Variants in PCDH7 observed in about 807,000 individuals in gnomAD.
The protein encoded by PCDH7 is protocadherin 7.
Under a neutral mutation model 58.9 loss-of-function variants are expected in PCDH7, and 17 were observed. That is an observed-to-expected ratio of 0.29 (90% CI 0.20 to 0.43). The LOEUF (loss-of-function observed/expected upper bound fraction) is 0.43, where lower values mean the gene tolerates loss of function less well. Ranked by LOEUF, PCDH7 falls within the 20% of genes least tolerant of loss-of-function variation. The pLI, the probability that PCDH7 is intolerant of heterozygous loss-of-function variation, is 1.00. For missense variants in PCDH7, 1,274 were observed against 1,441.0 expected (o/e 0.88, Z 1.88); for synonymous variants, 664 against 616.4 (o/e 1.08, Z -1.14).
In PCDH7 at chr4:31,064,334, C is replaced by T. The variant is rs146648489; in HGVS notation, c.*8-78139C>T. Among the ~76,000 whole-genome samples, 1,315 of 151,952 alleles carry T rather than the reference C, an allele frequency of 8.7e-3. 19 individuals are homozygous for T. Among genetic ancestry groups the T allele is most frequent in the Middle Eastern group, 0.037 (11 of 294 alleles). ...TTTAAAATGTTGGCCCATGTCCATG[C>T]GTTGTCATTGTGTTCTATGTGTATA... On this transcript the variant is annotated intron_variant, in intron 3 of 3. Transcript: ENST00000509759.
intron 3 of PCDH7, among the ~76,000 whole-genome samples, chr4:30,976,256 T>A (rs1037100544): frequency 2.0e-5 from 3 of 152,086 alleles, no homozygotes; most frequent in African/African-American, 7.2e-5. Context: ...CACACCTGGC[T>A]AATTTTGTAT....
At chr4:30,930,868 G>A (rs1744489723) in intron 2 of PCDH7, among the ~76,000 whole-genome samples, 1 of 152,160 alleles carries the variant, frequency 6.6e-6, no homozygotes, top group Non-Finnish European at 1.5e-5. Context: ...GTGCCCAGAA[G>A]TCCCAGGCTG....
chr4:30,861,292 G>A (rs1303056920), intron 1 of PCDH7, among the ~76,000 whole-genome samples: 1 of 152,140 alleles, frequency 6.6e-6, no homozygotes, highest in East Asian at 1.9e-4. Flanking sequence ...TCTTGCTTCT[G>A]ATTCCTAGTG....
chr4:30,785,296 C>A (rs543340611), intron 1 of PCDH7, among the ~76,000 whole-genome samples: 6 of 152,012 alleles, frequency 3.9e-5, no homozygotes, highest in East Asian at 1.9e-4. Context: ...TAGCTTTCAT[C>A]TGTGTATAAG....
Position 31,027,233 on chromosome 4 carries a change from TG to T in PCDH7, c.*7+77020del, listed in dbSNP as rs1186954358. 1.7e-4 allele frequency among the ~76,000 whole-genome samples: 26 copies of T among 152,236 alleles called. No individual in the cohort carries two copies. The East Asian group carries it at 4.7e-3, about 27-fold the overall frequency. ...CTTTAAATTGCCAGCTAAGCTTTCT[TG>T]GAACCTCATCACAAATAGGCATTAT... On this transcript the variant is annotated intron_variant, in intron 3 of 3. Transcript: ENST00000509759.
chr4:30,835,857 TTA>T (rs1730426713), intron 1 of PCDH7, among the ~76,000 whole-genome samples: 1 of 152,182 alleles, frequency 6.6e-6, no homozygotes. Flanking sequence ...AGGCATTAAA[TTA>T]AGGTGTTTTT....
In PCDH7 at chr4:30,723,958, G is replaced by A; in HGVS notation, c.2536G>A (p.Ala846Thr). The change falls in exon 1 of 2, where the codon GCA becomes ACA. Residue 846 changes from alanine to threonine, a missense_variant. This residue lies in a region of PCDH7 where 731 missense variants were observed against 881.9 expected (regional missense o/e 0.83). Transcript: ENST00000361762. This position sits in a 1 kb window ranked among gnomAD's most constrained non-coding sequence, Gnocchi z 4.6. ...GTTTGTCAATGAAAGTGTTTCTAAT[G>A]CAACTGCGATTGACTCCCAGATAGC... The A allele has an allele frequency of 3.1e-6, 5 of 1,614,124 alleles. No homozygotes were observed. The highest frequency in any genetic ancestry group is 3.4e-6 in the Non-Finnish European group (4 of 1,180,042).
intron 1 of PCDH7, among the ~76,000 whole-genome samples, chr4:30,795,814 T>C (rs1217995451): frequency 2.0e-5 from 3 of 152,308 alleles, no homozygotes; most frequent in East Asian, 1.9e-4. Flanking sequence ...CCATAAAACA[T>C]GGTAATATTT....
At chr4:31,068,819 G>T (rs1758308938) in intron 3 of PCDH7, among the ~76,000 whole-genome samples, 2 of 151,990 alleles carry the variant, frequency 1.3e-5, no homozygotes, top group Admixed American at 1.3e-4. Context: ...TCCAGGGATA[G>T]ATTATAAATA....
At chr4:31,124,247 G>C (rs940637638) in intron 3 of PCDH7, among the ~76,000 whole-genome samples, 1 of 152,100 alleles carries the variant, frequency 6.6e-6, no homozygotes, top group African/African-American at 2.4e-5. Flanking sequence ...GAATATATTA[G>C]GTGCTTCTAT....
At chr4:31,041,585 C>G (rs748669768) in intron 3 of PCDH7, among the ~76,000 whole-genome samples, 7 of 152,016 alleles carry the variant, frequency 4.6e-5, no homozygotes, top group Non-Finnish European at 8.8e-5. Context: ...ACCCCCCACC[C>G]CCTTGCATTG....
intron 1 of PCDH7, among the ~76,000 whole-genome samples, chr4:30,815,596 G>A (rs1231499785): frequency 6.6e-6 from 1 of 152,192 alleles, no homozygotes; most frequent in Non-Finnish European, 1.5e-5. Flanking sequence ...TGCGCGGTGT[G>A]TTTACTGACG....
intron 3 of PCDH7, among the ~76,000 whole-genome samples, chr4:31,137,952 T>C (rs988908651): frequency 2.0e-5 from 3 of 152,180 alleles, no homozygotes; most frequent in Non-Finnish European, 4.4e-5. Context: ...AGAGTGAGTG[T>C]CTGGGATTCT....
intron 3 of PCDH7, among the ~76,000 whole-genome samples, chr4:31,140,306 G>A (rs1475859186): frequency 6.6e-6 from 1 of 152,120 alleles, no homozygotes; most frequent in Non-Finnish European, 1.5e-5. Flanking sequence ...ATAAGTCACT[G>A]TGTAAGTGAA....
chr4:30,725,256 T>C (rs1181720674), intron 1 of PCDH7: 2 of 991,366 alleles, frequency 2.0e-6, no homozygotes, highest in Non-Finnish European at 2.4e-6. Context: ...TGTTCTATAA[T>C]GATATGCAAT....
At chr4:30,810,037 T>G (rs1726775086) in intron 1 of PCDH7, among the ~76,000 whole-genome samples, 1 of 152,212 alleles carries the variant, frequency 6.6e-6, no homozygotes, top group South Asian at 2.1e-4. Flanking sequence ...TTTTTATACT[T>G]CACTTTTGTA....
intron 1 of PCDH7, among the ~76,000 whole-genome samples, chr4:30,765,568 C>T (rs563978524): frequency 6.6e-6 from 1 of 152,264 alleles, no homozygotes; most frequent in South Asian, 2.1e-4. Flanking sequence ...TTGGAGTAGA[C>T]AGATAATCTA....
chr4:31,128,101 A>G (rs1159074532), intron 3 of PCDH7, among the ~76,000 whole-genome samples: 1 of 150,890 alleles, frequency 6.6e-6, no homozygotes, highest in African/African-American at 2.4e-5. Flanking sequence ...ATATGTATAT[A>G]TGTGTATATA....
intron 1 of PCDH7, among the ~76,000 whole-genome samples, chr4:30,814,880 A>C (rs1245589760): frequency 1.3e-5 from 2 of 152,090 alleles, no homozygotes; most frequent in Non-Finnish European, 2.9e-5. Context: ...CAAATGTGTT[A>C]ATTAAGACTC....
Sources: gnomAD v4.1 joint callset for allele counts (sites outside exome capture counted in the v4.1 genomes callset) on GRCh38, gnomAD v4.1.1 for gene constraint, gnomAD v4.1.1 regional missense constraint, Gnocchi (gnomAD v3.1) non-coding constraint, MANE v1.5 for transcripts, NCBI Gene and HGNC (gene_info 2026-07-23, HGNC 2026-07-21) for gene names.